Variants in NAALADL2 observed in about 807,000 individuals in gnomAD.
NAALADL2 encodes the protein inactive N-acetylated-alpha-linked acidic dipeptidase-like protein 2.
Under a neutral mutation model 87.2 loss-of-function variants are expected in NAALADL2, and 76 were observed. The observed-to-expected ratio is 0.87, with a 90% CI of 0.72 to 1.05. The LOEUF is 1.05. Among genes scored for constraint, NAALADL2 ranks in the 50% least tolerant of loss-of-function variants. The probability of loss-of-function intolerance (pLI) is 0.00; values close to 1 mark genes in which losing one functional copy is unlikely to be tolerated. For missense variants in NAALADL2, 1,089 were observed against 945.8 expected, an observed-to-expected ratio of 1.15 and a Z score of -1.99; for synonymous variants, 354 against 331.0, an observed-to-expected ratio of 1.07 and a Z score of -0.75.
intron 9 of NAALADL2, among the ~76,000 whole-genome samples, chr3:175,511,124 T>C (rs1731092754): frequency 6.6e-6 from 1 of 152,160 alleles, no homozygotes; most frequent in Admixed American, 6.5e-5. Context: ...AATAGATGCA[T>C]AGTTAGTGAT....
At position 175,378,433 on chromosome 3, in the gene NAALADL2, A is replaced by G. The variant is rs936634539; in HGVS notation, c.1090+54108A>G. Among the ~76,000 whole-genome samples the G allele has an allele frequency of 6.4e-4, 98 of 152,154 alleles. 4 individuals are homozygous for G. The highest frequency in any genetic ancestry group is 4.4e-5 in the Non-Finnish European group (3 of 68,026). On this transcript the variant is annotated intron_variant, in intron 5 of 13. Transcript: ENST00000454872. Reference sequence around the variant, plus strand: ...CCTGCTTCATTATGTTGTGCTTTGTATTGCATGGTGGTTCATTTAGTCGTG... The same window carrying G: ...CCTGCTTCATTATGTTGTGCTTTGTGTTGCATGGTGGTTCATTTAGTCGTG...
Position 174,495,781 on chromosome 3 carries a change from C to G in NAALADL2, c.-184+54749C>G, listed in dbSNP as rs1258142507. ...AAAAATGAAAAAAATAGCTGAGACT[C>G]AAAAGATTCTACTTCTAATTTAGTA... On this transcript the variant is annotated intron_variant, in intron 1 of 3. Transcript: ENST00000434257. Among the ~76,000 whole-genome samples, 7 of 151,508 alleles carry G rather than the reference C, an allele frequency of 4.6e-5. 1 individual carries two copies. Among genetic ancestry groups the G allele is most frequent in the Non-Finnish European group, 1.5e-5 (1 of 67,892 alleles).
chr3:174,697,086 T>C (rs543637257), intron 2 of NAALADL2, among the ~76,000 whole-genome samples: 1 of 150,584 alleles, frequency 6.6e-6, no homozygotes, highest in South Asian at 2.1e-4. Context: ...TGAACAAACT[T>C]GGAAAATAGT....
chr3:175,770,043 T>G (rs1749275670), intron 13 of NAALADL2, among the ~76,000 whole-genome samples: 1 of 152,166 alleles, frequency 6.6e-6, no homozygotes, highest in Non-Finnish European at 1.5e-5. Context: ...AAGGACAATT[T>G]CCTTTAAAGT....
chr3:174,901,910 A>G (rs534177898), intron 1 of NAALADL2, among the ~76,000 whole-genome samples: 2 of 152,316 alleles, frequency 1.3e-5, no homozygotes, highest in Admixed American at 1.3e-4. Context: ...TTACAGAAGA[A>G]CAAGAGACTG....
At chr3:174,620,559 A>G (rs974905609) in intron 2 of NAALADL2, among the ~76,000 whole-genome samples, 2 of 152,026 alleles carry the variant, frequency 1.3e-5, no homozygotes, top group African/African-American at 4.8e-5. Flanking sequence ...GAATATTGTG[A>G]AAAATATTAC....
At chr3:174,696,995 A>T (rs79934053) in intron 2 of NAALADL2, among the ~76,000 whole-genome samples, 3,082 of 152,286 alleles carry the variant, frequency 0.02, 66 homozygotes, top group African/African-American at 0.059. Context: ...AGACTCATAC[A>T]AAAAGAAATA....
chr3:175,293,595 T>G (rs150312276), intron 4 of NAALADL2, among the ~76,000 whole-genome samples: 2 of 152,278 alleles, frequency 1.3e-5, no homozygotes, highest in African/African-American at 2.4e-5. Context: ...AGGTAAGGCC[T>G]TTGGGAGGTG....
At chr3:174,716,114 C>T (rs1198275306) in intron 2 of NAALADL2, among the ~76,000 whole-genome samples, 6 of 152,094 alleles carry the variant, frequency 3.9e-5, no homozygotes, top group African/African-American at 1.4e-4. Flanking sequence ...CACTTTTTAT[C>T]TCATCATGTA....
At chr3:175,147,130 A>T (rs1302448137) in intron 2 of NAALADL2, among the ~76,000 whole-genome samples, 1 of 152,202 alleles carries the variant, frequency 6.6e-6, no homozygotes, top group South Asian at 2.1e-4. Flanking sequence ...AGGGATACAC[A>T]TGCAGGTTTG....
At chr3:175,522,864 A>T (rs1007705545) in intron 9 of NAALADL2, among the ~76,000 whole-genome samples, 4 of 152,228 alleles carry the variant, frequency 2.6e-5, no homozygotes, top group African/African-American at 9.6e-5. Flanking sequence ...TATCAACAAT[A>T]TTCAATTTCT....
intron 2 of NAALADL2, among the ~76,000 whole-genome samples, chr3:174,640,572 C>T (rs911988756): frequency 1.3e-5 from 2 of 152,306 alleles, no homozygotes; most frequent in Admixed American, 6.5e-5. Context: ...GCCAGCAAGC[C>T]AGGCCAAGCC....
intron 3 of NAALADL2, among the ~76,000 whole-genome samples, chr3:174,799,132 T>C (rs1718496551): frequency 6.6e-6 from 1 of 150,954 alleles, no homozygotes; most frequent in African/African-American, 2.4e-5. Flanking sequence ...ATCGTGCCAC[T>C]GCACTCCAGC....
intron 3 of NAALADL2, among the ~76,000 whole-genome samples, chr3:174,769,894 G>C (rs1714310788): frequency 6.6e-6 from 1 of 151,620 alleles, no homozygotes; most frequent in South Asian, 2.1e-4. Flanking sequence ...AATCTTTTGG[G>C]TTTTCAATAA....
At chr3:175,371,281 T>A (rs994547766) in intron 5 of NAALADL2, among the ~76,000 whole-genome samples, 10 of 152,030 alleles carry the variant, frequency 6.6e-5, no homozygotes, top group Non-Finnish European at 8.8e-5. Flanking sequence ...TATTATTATT[T>A]TTTGAGACGG....
rs151314148 is a variant in NAALADL2 at position 174,758,784 on chromosome 3, A to C, written c.-9+21038A>C. On this transcript the variant is annotated intron_variant, in intron 3 of 3. Transcript: ENST00000434257. ...TAATGTGGATGAATGTTCTTTGTCT[A>C]GGATGGGATAACAACTTCTTTTCAT... Among the ~76,000 whole-genome samples, 10 of 152,336 alleles carry C rather than the reference A, an allele frequency of 6.6e-5. No individual in the cohort carries two copies. In the East Asian group the frequency reaches 1.9e-3, roughly 29 times the overall value.
chr3:174,988,238 C>A (rs1341509406), intron 1 of NAALADL2, among the ~76,000 whole-genome samples: 1 of 152,092 alleles, frequency 6.6e-6, no homozygotes, highest in African/African-American at 2.4e-5. Context: ...TTTATTTTTA[C>A]TATTTTACAG....
chr3:175,751,821 G>A (rs1030963864), intron 12 of NAALADL2, among the ~76,000 whole-genome samples: 7 of 151,934 alleles, frequency 4.6e-5, no homozygotes, highest in Non-Finnish European at 1.0e-4. Context: ...GAAATTCACC[G>A]TGCCTTAAGT....
intron 13 of NAALADL2, among the ~76,000 whole-genome samples, chr3:175,768,984 C>T (rs761538813): frequency 6.6e-6 from 1 of 151,862 alleles, no homozygotes; most frequent in Non-Finnish European, 1.5e-5. Context: ...CTTACACATA[C>T]AAAAATGGAT....
Sources: gnomAD v4.1 joint callset for allele counts (sites outside exome capture counted in the v4.1 genomes callset) on GRCh38, gnomAD v4.1.1 for gene constraint, MANE v1.5 for transcripts, NCBI Gene and HGNC (gene_info 2026-07-23, HGNC 2026-07-21) for gene names.